PTPRN2: variants seen among roughly 807,000 people sequenced by gnomAD.
The protein encoded by PTPRN2 is receptor-type tyrosine-protein phosphatase N2.
A neutral mutation model predicts 118.8 loss-of-function variants in PTPRN2; 74 were observed. The ratio of observed to expected loss-of-function variants is 0.62; its 90% CI spans 0.52 to 0.76. The LOEUF (loss-of-function observed/expected upper bound fraction) is 0.76, where lower values mean the gene tolerates loss of function less well. Ranked by LOEUF, PTPRN2 falls within the 30% of genes least tolerant of loss-of-function variation. The probability of loss-of-function intolerance (pLI) is 0.00; values close to 1 mark genes in which losing one functional copy is unlikely to be tolerated. For missense variants in PTPRN2, 1,481 were observed against 1,394.4 expected (o/e 1.06, Z -0.99); for synonymous variants, 641 against 608.0 (o/e 1.05, Z -0.80).
intron 3 of PTPRN2, among the ~76,000 whole-genome samples, chr7:158,273,557 G>GA: frequency 8.9e-6 from 1 of 112,792 alleles, no homozygotes; most frequent in African/African-American, 4.2e-5. Flanking sequence ...CAGACACAGG[G>GA]GGAGCCGCAG....
At chr7:158,318,403 C>G (rs190070012) in intron 2 of PTPRN2, among the ~76,000 whole-genome samples, 1 of 152,354 alleles carries the variant, frequency 6.6e-6, no homozygotes, top group South Asian at 2.1e-4. Context: ...CACGTCGAGA[C>G]GGCCCAGCTC....
chr7:157,904,116 A>C, intron 11 of PTPRN2, among the ~76,000 whole-genome samples: 1 of 152,046 alleles, frequency 6.6e-6, no homozygotes, highest in East Asian at 1.9e-4. Flanking sequence ...TTGTGTTTTG[A>C]ACATCAAACA....
At chr7:158,036,735 T>G (rs1191853823) in intron 11 of PTPRN2, among the ~76,000 whole-genome samples, 3 of 152,190 alleles carry the variant, frequency 2.0e-5, no homozygotes, top group Admixed American at 2.0e-4. Flanking sequence ...TTTAAGAAAC[T>G]AGGAATAAAG....
chr7:157,910,188 C>T (rs1026628897), intron 11 of PTPRN2, among the ~76,000 whole-genome samples: 1 of 152,188 alleles, frequency 6.6e-6, no homozygotes, highest in African/African-American at 2.4e-5. Context: ...GCATGTACGC[C>T]GTGGGAATGC....
At chr7:157,767,005 C>G (rs1361733201) in intron 12 of PTPRN2, among the ~76,000 whole-genome samples, 1 of 152,204 alleles carries the variant, frequency 6.6e-6, no homozygotes, top group Non-Finnish European at 1.5e-5. Flanking sequence ...CACTGCCAGC[C>G]CTCCTCCTGG....
At chr7:158,147,897 C>G (rs1820352367) in intron 6 of PTPRN2, among the ~76,000 whole-genome samples, 2 of 139,176 alleles carry the variant, frequency 1.4e-5, no homozygotes, top group East Asian at 2.0e-4. Context: ...CGTGTCTTTC[C>G]CCCTCACTGA....
At chr7:158,411,384 G>A (rs1814075467) in intron 2 of PTPRN2, among the ~76,000 whole-genome samples, 1 of 152,178 alleles carries the variant, frequency 6.6e-6, no homozygotes, top group Non-Finnish European at 1.5e-5. Context: ...TGCCCCTGCT[G>A]GGTCCTCACA....
rs1563391755 is a variant in PTPRN2, at chr7:158,071,526, A to ATGCTCGTGGTGATGGAGG, written c.1723+9771_1723+9772insCCTCCATCACCACGAGCA. Among the ~76,000 whole-genome samples, 12 of 63,346 alleles carry ATGCTCGTGGTGATGGAGG rather than the reference A, an allele frequency of 1.9e-4. 1 individual carries two copies. The allele number at this position is 63,346 out of a possible 152,430, so 41.6% of individuals were successfully genotyped here. Reference sequence around the variant, plus strand: ...GGTGGAGATGCTCGTGGTGGTGGAGATGCTCGTGATGATGGAGGTGCTCCT... The same window carrying ATGCTCGTGGTGATGGAGG: ...GGTGGAGATGCTCGTGGTGGTGGAGATGCTCGTGGTGATGGAGGTGCTCGTGATGATGGAGGTGCTCCT... On this transcript the variant is annotated intron_variant, in intron 11 of 22. Coordinates refer to ENST00000389418, the MANE Select transcript of PTPRN2 (RefSeq NM_002847.5).
At chr7:158,302,645 T>C (rs1800979706) in intron 3 of PTPRN2, among the ~76,000 whole-genome samples, 1 of 152,230 alleles carries the variant, frequency 6.6e-6, no homozygotes, top group Admixed American at 6.5e-5. Flanking sequence ...AGTTACGTGA[T>C]GTGCGTAAGA....
intron 2 of PTPRN2, among the ~76,000 whole-genome samples, chr7:158,433,475 A>G (rs1816368018): frequency 6.6e-6 from 1 of 152,224 alleles, no homozygotes; most frequent in South Asian, 2.1e-4. Context: ...GGGTAAAAAA[A>G]ATACATAGCT....
intron 11 of PTPRN2, among the ~76,000 whole-genome samples, chr7:157,970,191 A>G (rs1802222792): frequency 1.3e-5 from 2 of 152,218 alleles, no homozygotes. Flanking sequence ...ATAATAATTT[A>G]GGGATAACTG....
chr7:158,023,575 T>C (rs1807061617), intron 11 of PTPRN2, among the ~76,000 whole-genome samples: 1 of 152,242 alleles, frequency 6.6e-6, no homozygotes, highest in South Asian at 2.1e-4. Flanking sequence ...TTCCTTGTTC[T>C]GCTCCCTTCT....
chr7:157,639,880 C>T lies in PTPRN2; in HGVS notation c.2196+16477G>A, dbSNP rs115044365. On this transcript the variant is annotated intron_variant, in intron 14 of 22. Coordinates refer to ENST00000389418, the MANE Select transcript of PTPRN2 (RefSeq NM_002847.5). ...AGACGCTTGAAACATGGGCCTCATC[C>T]AGAATTGAGGCTCAAACACATGAGT... is the stretch of plus-strand genomic sequence containing the variant. Among the ~76,000 whole-genome samples, 575 of 152,322 alleles carry T rather than the reference C, an allele frequency of 3.8e-3. 5 individuals carry two copies. The highest frequency in any genetic ancestry group is 0.013 in the African/African-American group (549 of 41,564).
At chr7:158,388,278 A>C (rs993746815) in intron 2 of PTPRN2, among the ~76,000 whole-genome samples, 2 of 152,116 alleles carry the variant, frequency 1.3e-5, no homozygotes, top group African/African-American at 4.8e-5. Context: ...CCCGGCACCA[A>C]GGTCCCAGAA....
intron 1 of PTPRN2, among the ~76,000 whole-genome samples, chr7:158,559,433 G>C (rs1827237098): frequency 6.6e-6 from 1 of 152,136 alleles, no homozygotes; most frequent in Admixed American, 6.5e-5. Context: ...CAGCCTGGCA[G>C]GACTCCACCA....
intron 3 of PTPRN2, among the ~76,000 whole-genome samples, chr7:158,260,907 A>C (rs921556612): frequency 3.9e-5 from 6 of 152,118 alleles, no homozygotes; most frequent in Non-Finnish European, 7.4e-5. Context: ...GTGAGCTCCT[A>C]ATGTCTCAGG....
chr7:158,499,056 G>T (rs1822163556), intron 1 of PTPRN2, among the ~76,000 whole-genome samples: 1 of 152,126 alleles, frequency 6.6e-6, no homozygotes. Context: ...TGATGAAAGA[G>T]GAAAAATCCA....
At chr7:158,375,575 G>A (rs73729782) in intron 2 of PTPRN2, among the ~76,000 whole-genome samples, 3,743 of 152,316 alleles carry the variant, frequency 0.025, 160 homozygotes, top group African/African-American at 0.085. Flanking sequence ...GTAGTTCCCC[G>A]GCAAAGGCCC....
Position 158,413,877 on chromosome 7 carries a change from C to T in PTPRN2, c.163+75858G>A, listed in dbSNP as rs112325446. Among the ~76,000 whole-genome samples, 701 of 152,202 alleles carry T rather than the reference C, an allele frequency of 4.6e-3. 4 individuals are homozygous for T. The highest frequency in any genetic ancestry group is 0.016 in the African/African-American group (671 of 41,540). On this transcript the variant is annotated intron_variant, in intron 2 of 22. Transcript: ENST00000389418. The stretch of plus-strand genomic sequence containing the variant: ...GGCAAGGGCCAGGTGTGATGGCTCA[C>T]GCCTGTAATCCCAGCACTTTGGGAG...
Sources: gnomAD v4.1 joint callset for allele counts (sites outside exome capture counted in the v4.1 genomes callset) on GRCh38, gnomAD v4.1.1 for gene constraint, MANE v1.5 for transcripts, NCBI Gene and HGNC (gene_info 2026-07-23, HGNC 2026-07-21) for gene names.